The following ITCH variants were observed in gnomAD, a reference collection of about 807,000 sequenced individuals.
ITCH encodes itchy E3 ubiquitin protein ligase, also known as E3 ubiquitin-protein ligase Itchy homolog.
ITCH carries 28 observed loss-of-function variants against 126.8 expected under a neutral mutation model. The observed-to-expected ratio is 0.22, with a 90% CI of 0.16 to 0.30. The LOEUF is 0.30. Ranked by LOEUF, ITCH falls within the 10% of genes least tolerant of loss-of-function variation. ITCH has a pLI of 1.00. For synonymous variants in ITCH, 342 were observed against 340.0 expected (o/e 1.01, Z -0.06); for missense variants, 631 against 1,032.4 (o/e 0.61, Z 5.33).
chr20:34,495,594 G>A (rs1989825020), intron 23 of ITCH, among the ~76,000 whole-genome samples: 2 of 151,782 alleles, frequency 1.3e-5, no homozygotes, highest in African/African-American at 4.8e-5. Context: ...GTTCATCTAT[G>A]TTGTCATAAA....
chr20:34,370,569 C>T (rs138852626), intron 2 of ITCH, among the ~76,000 whole-genome samples: 1 of 150,490 alleles, frequency 6.6e-6, no homozygotes, highest in Non-Finnish European at 1.5e-5. Context: ...GTGGCTGAGG[C>T]AGGAGAATCA....
chr20:34,457,515 T>C, intron 13 of ITCH, 41 bp downstream of exon 13: 1 of 1,302,432 alleles, frequency 7.7e-7, no homozygotes, highest in Non-Finnish European at 1.1e-6. Flanking sequence ...TCTTAAAGAT[T>C]ATACCTTATT....
chr20:34,503,885 G>GTTTTTT (rs11167236), intron 23 of ITCH, among the ~76,000 whole-genome samples: 3 of 109,616 alleles, frequency 2.7e-5, no homozygotes, highest in Non-Finnish European at 3.7e-5. Flanking sequence ...TTTTTTTTTG[G>GTTTTTT]TTTTTTTTTT....
chr20:34,409,733 G>T (rs911504030), intron 4 of ITCH, among the ~76,000 whole-genome samples: 1 of 152,068 alleles, frequency 6.6e-6, no homozygotes, highest in Admixed American at 6.6e-5. Context: ...TTTGTATGTT[G>T]GTGTTTATAT....
intron 2 of ITCH, among the ~76,000 whole-genome samples, chr20:34,369,933 G>C (rs779140575): frequency 1.3e-5 from 2 of 151,598 alleles, no homozygotes; most frequent in Non-Finnish European, 2.9e-5. Flanking sequence ...GCGAGACCCT[G>C]ACTCCACACA....
intron 20 of ITCH, among the ~76,000 whole-genome samples, chr20:34,483,205 T>G (rs2146481656): frequency 6.6e-6 from 1 of 152,314 alleles, no homozygotes; most frequent in African/African-American, 2.4e-5. Context: ...CTGTAGACAT[T>G]TTCCACATTG....
chr20:34,375,735 A>G (rs536724029), intron 2 of ITCH, among the ~76,000 whole-genome samples: 59 of 53,676 alleles, frequency 1.1e-3, no homozygotes, highest in Admixed American at 8.3e-3. Flanking sequence ...TTTTTTTACC[A>G]GTTGCTGTGG....
At chr20:34,388,541 C>T (rs2038372744) in intron 2 of ITCH, among the ~76,000 whole-genome samples, 1 of 152,122 alleles carries the variant, frequency 6.6e-6, no homozygotes, top group African/African-American at 2.4e-5. Context: ...CATACCACCA[C>T]ATCCAGCTAA....
intron 3 of ITCH, among the ~76,000 whole-genome samples, chr20:34,406,241 C>CT (rs2039054607): frequency 6.6e-6 from 1 of 151,928 alleles, no homozygotes; most frequent in South Asian, 2.1e-4. Flanking sequence ...GTTGACCAGG[C>CT]TTTGTTCAAA....
chr20:34,461,584 A>G (rs1361112057), intron 13 of ITCH, among the ~76,000 whole-genome samples: 2 of 151,974 alleles, frequency 1.3e-5, no homozygotes, highest in Non-Finnish European at 2.9e-5. Context: ...GCGTGGTGGC[A>G]GGCGCCTGTA....
chr20:34,376,532 G>T (rs944532473), intron 2 of ITCH, among the ~76,000 whole-genome samples: 11 of 152,026 alleles, frequency 7.2e-5, no homozygotes, highest in African/African-American at 2.4e-4. Flanking sequence ...GAGGTATGTA[G>T]AATAATTATT....
chr20:34,487,662 G>C (rs1989222312), intron 20 of ITCH, among the ~76,000 whole-genome samples: 1 of 152,184 alleles, frequency 6.6e-6, no homozygotes, highest in South Asian at 2.1e-4. Flanking sequence ...TCATAGGCCA[G>C]GTGCGGTGGC....
chr20:34,436,697 T>G lies in ITCH; in HGVS notation c.522-1777T>G, dbSNP rs1220031199. Among the ~76,000 whole-genome samples the G allele has an allele frequency of 2.6e-5, 4 of 152,218 alleles. 1 individual carries two copies. In the East Asian group the frequency reaches 7.7e-4, roughly 29 times the overall value. ...TGTTAAAATGCTAGCTCTGATATAG[T>G]AGGTCTAGAATAGTTTTGAAGATTG... On this transcript the variant is annotated intron_variant, in intron 7 of 24. Coordinates refer to ENST00000374864, the MANE Select transcript of ITCH (RefSeq NM_031483.7).
intron 12 of ITCH, 140 bp from the exon 13 acceptor site, chr20:34,457,250 T>A (rs1051708104): frequency 3.4e-5 from 23 of 684,658 alleles, no homozygotes; most frequent in Non-Finnish European, 5.7e-5. Flanking sequence ...AATTAAACCT[T>A]TTAAAGCTGT....
chr20:34,393,423 A>G (rs1255259389), intron 2 of ITCH, among the ~76,000 whole-genome samples: 2 of 152,200 alleles, frequency 1.3e-5, no homozygotes, highest in East Asian at 3.8e-4. Flanking sequence ...AATATCCTCA[A>G]GGGAATGAGT....
chr20:34,472,753 A>G (rs554768021), intron 16 of ITCH, among the ~76,000 whole-genome samples: 2 of 152,342 alleles, frequency 1.3e-5, no homozygotes, highest in East Asian at 3.9e-4. Flanking sequence ...GCATCCTGCT[A>G]TGTAGGAGCA....
intron 21 of ITCH, 85 bp from the exon 22 acceptor site, chr20:34,489,737 G>A: frequency 2.2e-6 from 2 of 899,770 alleles, no homozygotes; most frequent in Non-Finnish European, 3.8e-6. Context: ...TTATTCTAAA[G>A]CTTTGCTTAA....
chr20:34,391,257 A>G lies in ITCH; in HGVS notation c.-21-2534A>G, dbSNP rs142142790. Among the ~76,000 whole-genome samples, 15 of 152,332 alleles carry G rather than the reference A, an allele frequency of 9.8e-5. No individual in the cohort carries two copies. In the East Asian group the frequency reaches 2.7e-3, roughly 27 times the overall value. Reference sequence around the variant, plus strand: ...AATACATACAAAACTACAGTTCCCTATGACCACGTACTTGAGTACACAGGT... The same window carrying G: ...AATACATACAAAACTACAGTTCCCTGTGACCACGTACTTGAGTACACAGGT... On this transcript the variant is annotated intron_variant, in intron 2 of 24. Transcript: ENST00000374864.
chr20:34,423,519 C>T (rs989574927), intron 6 of ITCH, among the ~76,000 whole-genome samples: 1 of 152,138 alleles, frequency 6.6e-6, no homozygotes, highest in African/African-American at 2.4e-5. Flanking sequence ...CTTGTTTCTA[C>T]ATGTGATCAT....
Sources: allele counts gnomAD v4.1 joint callset (sites outside exome capture counted in the v4.1 genomes callset), GRCh38; gene constraint gnomAD v4.1.1; transcripts MANE v1.5; gene names NCBI Gene and HGNC (gene_info 2026-07-23, HGNC 2026-07-21).